The following MYO1E variants were observed in gnomAD, a reference collection of about 807,000 sequenced individuals.
The protein encoded by MYO1E is myosin IE, also known as unconventional myosin-Ie.
A neutral mutation model predicts 151.1 loss-of-function variants in MYO1E; 68 were observed. The ratio of observed to expected loss-of-function variants is 0.45; its 90% CI spans 0.37 to 0.55. The LOEUF (loss-of-function observed/expected upper bound fraction) is 0.55. Ranked by LOEUF, MYO1E falls within the 20% of genes least tolerant of loss-of-function variation. The pLI, the probability that MYO1E is intolerant of heterozygous loss-of-function variation, is 0.00. For synonymous variants in MYO1E, 601 were observed against 501.7 expected (o/e 1.20, Z -2.64); for missense variants, 1,363 against 1,389.3 (o/e 0.98, Z 0.30).
chr15:59,236,483 C>A, intron 5 of MYO1E, 102 bp downstream of exon 5: 1 of 875,052 alleles, frequency 1.1e-6, no homozygotes, highest in Non-Finnish European at 1.8e-6. Flanking sequence ...TATAGAAGAA[C>A]CAGTGTCTTT....
At chr15:59,270,691 T>G (rs1236724299) in intron 2 of MYO1E, among the ~76,000 whole-genome samples, 12 of 151,994 alleles carry the variant, frequency 7.9e-5, no homozygotes, top group Non-Finnish European at 1.6e-4. Flanking sequence ...CAGGCTGAAG[T>G]GCAGTGGTGC....
At chr15:59,328,621 G>A (rs2080680651) in intron 1 of MYO1E, among the ~76,000 whole-genome samples, 1 of 152,260 alleles carries the variant, frequency 6.6e-6, no homozygotes, top group South Asian at 2.1e-4. Flanking sequence ...CTCCAGCTGT[G>A]CAGAGATGAC....
chr15:59,263,147 T>G (rs1421662881), intron 2 of MYO1E, among the ~76,000 whole-genome samples: 3 of 152,236 alleles, frequency 2.0e-5, no homozygotes, highest in African/African-American at 7.2e-5. Context: ...ATATATAGTT[T>G]TAGATAAAGA....
intron 19 of MYO1E, among the ~76,000 whole-genome samples, chr15:59,176,415 T>C (rs1218011452): frequency 1.3e-5 from 2 of 151,740 alleles, no homozygotes; most frequent in Admixed American, 1.3e-4. Flanking sequence ...ACATTTACTA[T>C]TAAGGTGAAA....
chr15:59,236,868 G>GT (rs1436428086), intron 4 of MYO1E, among the ~76,000 whole-genome samples, 196 bp from the exon 5 acceptor site: 4 of 152,188 alleles, frequency 2.6e-5, no homozygotes, highest in Non-Finnish European at 5.9e-5. Context: ...TGTGACCCGT[G>GT]TGAGCCGGAT....
intron 17 of MYO1E, among the ~76,000 whole-genome samples, chr15:59,193,128 G>A (rs2079744319): frequency 8.0e-6 from 1 of 124,258 alleles, no homozygotes; most frequent in Admixed American, 8.0e-5. Flanking sequence ...ATCATCACCA[G>A]CACCACCTGC....
At chr15:59,261,043 GTCTC>G (rs2080221602) in intron 3 of MYO1E, among the ~76,000 whole-genome samples, 1 of 151,762 alleles carries the variant, frequency 6.6e-6, no homozygotes, top group Non-Finnish European at 1.5e-5. Flanking sequence ...GTGAAATACC[GTCTC>G]TACTAAAAAT....
At chr15:59,161,564 G>C (rs1262787787) in intron 23 of MYO1E, among the ~76,000 whole-genome samples, 1 of 152,184 alleles carries the variant, frequency 6.6e-6, no homozygotes, top group Non-Finnish European at 1.5e-5. Context: ...CAATTTCCAG[G>C]TCATACCGCT....
At chr15:59,274,824 G>A (rs1275725499) in intron 1 of MYO1E, among the ~76,000 whole-genome samples, 1 of 152,134 alleles carries the variant, frequency 6.6e-6, no homozygotes, top group Admixed American at 6.6e-5. Flanking sequence ...TTTCCTAGCA[G>A]AAAAGCACTC....
chr15:59,307,480 T>G (rs2080521493), intron 1 of MYO1E, among the ~76,000 whole-genome samples: 1 of 152,240 alleles, frequency 6.6e-6, no homozygotes, highest in East Asian at 1.9e-4. Context: ...ACGTTAATCC[T>G]GCTTATAATT....
intron 1 of MYO1E, among the ~76,000 whole-genome samples, chr15:59,352,614 T>C (rs1250014688): frequency 1.3e-5 from 2 of 152,198 alleles, no homozygotes; most frequent in Admixed American, 1.3e-4. Context: ...GGTACCTAAC[T>C]CATTTTCCTC....
At chr15:59,361,288 T>C (rs2080884150) in intron 1 of MYO1E, among the ~76,000 whole-genome samples, 1 of 152,170 alleles carries the variant, frequency 6.6e-6, no homozygotes, top group African/African-American at 2.4e-5. Context: ...GTATAAACAT[T>C]TATTATTTAA....
intron 9 of MYO1E, among the ~76,000 whole-genome samples, chr15:59,220,929 A>G (rs1165177695): frequency 6.9e-6 from 1 of 144,538 alleles, no homozygotes; most frequent in Admixed American, 7.0e-5. Flanking sequence ...ATCTCTTAAA[A>G]AAAAAAAAAA....
chr15:59,151,341 A>C (rs1309710857), intron 26 of MYO1E, among the ~76,000 whole-genome samples: 1 of 152,116 alleles, frequency 6.6e-6, no homozygotes, highest in Non-Finnish European at 1.5e-5. Context: ...GACGCAGGAC[A>C]GTCACTTGAA....
chr15:59,214,950 G>C (rs2079904104), intron 10 of MYO1E, among the ~76,000 whole-genome samples: 1 of 152,188 alleles, frequency 6.6e-6, no homozygotes, highest in South Asian at 2.1e-4. Flanking sequence ...AACAAAAAAT[G>C]TTTGTTTAAT....
chr15:59,328,911 G>A (rs1456965043), intron 1 of MYO1E, among the ~76,000 whole-genome samples: 1 of 152,148 alleles, frequency 6.6e-6, no homozygotes, highest in African/African-American at 2.4e-5. Context: ...ACAATTTACA[G>A]ACAAGGAAAC....
chr15:59,294,048 A>G (rs2080435237), intron 1 of MYO1E, among the ~76,000 whole-genome samples: 1 of 152,210 alleles, frequency 6.6e-6, no homozygotes, highest in Admixed American at 6.5e-5. Context: ...TCTCAAACAA[A>G]ACAAAATAAC....
At chr15:59,250,922 G>T (rs912004170) in intron 4 of MYO1E, among the ~76,000 whole-genome samples, 1 of 152,206 alleles carries the variant, frequency 6.6e-6, no homozygotes, top group African/African-American at 2.4e-5. Flanking sequence ...TTGCAGTGCA[G>T]GTGGAGGGAG....
At chr15:59,167,436 C>T (rs2079568873) in intron 22 of MYO1E, among the ~76,000 whole-genome samples, 1 of 152,176 alleles carries the variant, frequency 6.6e-6, no homozygotes, top group South Asian at 2.1e-4. Flanking sequence ...TGGGTCATTA[C>T]ACCTGTGGTC....
Sources: allele counts gnomAD v4.1 joint callset (sites outside exome capture counted in the v4.1 genomes callset), GRCh38; gene constraint gnomAD v4.1.1; transcripts MANE v1.5; gene names NCBI Gene and HGNC (gene_info 2026-07-23, HGNC 2026-07-21).